Variants in HSD11B1 observed in about 807,000 individuals in gnomAD.
The protein encoded by HSD11B1 is 11-beta-hydroxysteroid dehydrogenase 1.
A neutral mutation model predicts 22.1 loss-of-function variants in HSD11B1; 15 were observed. The ratio of observed to expected loss-of-function variants is 0.68; its 90% confidence interval spans 0.45 to 1.04. The LOEUF (loss-of-function observed/expected upper bound fraction) is 1.04, where lower values mean the gene tolerates loss of function less well. Among genes scored for constraint, HSD11B1 ranks in the 50% least tolerant of loss-of-function variants. HSD11B1 has a pLI of 0.00. For missense variants in HSD11B1, 281 were observed against 357.6 expected (o/e 0.79, Z 1.73); for synonymous variants, 122 against 125.2 (o/e 0.97, Z 0.17).
At position 209,734,649 on chromosome 1, in the gene HSD11B1, T is replaced by C. The variant is rs2077056471; in HGVS notation, c.*128T>C. On this transcript the variant is annotated 3_prime_UTR_variant, in exon 6 of 6. Coordinates refer to ENST00000367027, the MANE Select transcript of HSD11B1 (RefSeq NM_005525.4). ...AGACATGCAAGTCATGGGTCACACC[T>C]GACAAATGGAAGGAGTTCCTCTAAC... 1.3e-6 allele frequency: 1 copy of C among 753,422 alleles called. No homozygotes were observed. Among genetic ancestry groups the C allele is most frequent in the African/African-American group, 1.7e-5 (1 of 57,574 alleles). The allele number at this position is 753,422 out of a possible 1,614,324, so 46.7% of individuals were successfully genotyped here.
chr1:209,686,485 G>A (rs897305275), intron 1 of HSD11B1, among the ~76,000 whole-genome samples: 3 of 152,214 alleles, frequency 2.0e-5, no homozygotes, highest in African/African-American at 4.8e-5. Context: ...GCTTTCAAAT[G>A]TGTAGGAGGG....
intron 4 of HSD11B1, among the ~76,000 whole-genome samples, chr1:209,717,871 C>CAAAA (rs1015577238): frequency 1.5e-4 from 6 of 39,584 alleles, no homozygotes; most frequent in African/African-American, 2.3e-4. Context: ...GACTCCATCT[C>CAAAA]AAAAAAAAAA....
upstream of HSD11B1, chr1:209,704,697 A>G (rs1004548305): frequency 1.4e-5 from 7 of 493,566 alleles, no homozygotes; most frequent in South Asian, 6.3e-5. Context: ...CTCTTGCTCA[A>G]TGAAATGGAG....
upstream of HSD11B1, among the ~76,000 whole-genome samples, chr1:209,704,125 G>C (rs758807804): frequency 1.1e-4 from 17 of 151,952 alleles, no homozygotes; most frequent in Non-Finnish European, 2.2e-4. Flanking sequence ...CATGTTTCTT[G>C]TTGCTCTACA....
chr1:209,705,372 CAAAA>C (rs5780533), intron 1 of HSD11B1, among the ~76,000 whole-genome samples: 2,001 of 83,052 alleles, frequency 0.024, 47 homozygotes, highest in African/African-American at 0.074. Flanking sequence ...AAGTGGGAGG[CAAAA>C]AAAAAAAAAA....
intron 1 of HSD11B1, among the ~76,000 whole-genome samples, chr1:209,696,445 G>A (rs1162967691): frequency 6.6e-6 from 1 of 152,160 alleles, no homozygotes; most frequent in Non-Finnish European, 1.5e-5. Context: ...AGAGGGTTTG[G>A]GTAAGCAGGT....
chr1:209,704,021 T>C (rs948779505), upstream of HSD11B1, among the ~76,000 whole-genome samples: 2 of 152,218 alleles, frequency 1.3e-5, no homozygotes, highest in African/African-American at 4.8e-5. Context: ...CTAGATCTAT[T>C]TTTAGCTGGT....
intron 4 of HSD11B1, among the ~76,000 whole-genome samples, chr1:209,710,040 C>T (rs1025953100): frequency 2.0e-5 from 3 of 152,008 alleles, no homozygotes; most frequent in African/African-American, 4.8e-5. Context: ...TCCGGCAGTG[C>T]GTGCAGGGGA....
chr1:209,694,972 G>A (rs1480816941), intron 1 of HSD11B1, among the ~76,000 whole-genome samples: 2 of 152,194 alleles, frequency 1.3e-5, no homozygotes, highest in Non-Finnish European at 2.9e-5. Flanking sequence ...GTAATCCCCA[G>A]GTGTTGAGGA....
intron 4 of HSD11B1, among the ~76,000 whole-genome samples, chr1:209,722,229 T>C (rs2076971309): frequency 6.6e-6 from 1 of 152,242 alleles, no homozygotes; most frequent in South Asian, 2.1e-4. Flanking sequence ...CATAGAAATA[T>C]TCTTGCCAAA....
At chr1:209,713,232 T>TA (rs1226039340) in intron 4 of HSD11B1, among the ~76,000 whole-genome samples, 1 of 152,138 alleles carries the variant, frequency 6.6e-6, no homozygotes, top group Non-Finnish European at 1.5e-5. Context: ...GTACTATATA[T>TA]TTATATTTAT....
chr1:209,729,786 C>G (rs2077024852), intron 4 of HSD11B1, among the ~76,000 whole-genome samples: 1 of 152,112 alleles, frequency 6.6e-6, no homozygotes. Context: ...TCATTATGAT[C>G]AAGTAGGATT....
chr1:209,722,453 C>T (rs973514914), intron 4 of HSD11B1, among the ~76,000 whole-genome samples: 12 of 152,074 alleles, frequency 7.9e-5, no homozygotes, highest in African/African-American at 2.4e-4. Context: ...TATCCTGAAC[C>T]CTCTTCTCTT....
chr1:209,723,228 G>A (rs2076978874), intron 4 of HSD11B1, among the ~76,000 whole-genome samples: 1 of 151,984 alleles, frequency 6.6e-6, no homozygotes, highest in Non-Finnish European at 1.5e-5. Context: ...TGCTATCATG[G>A]ACCCACCCTC....
At chr1:209,701,366 C>T (rs967314139), upstream of HSD11B1, among the ~76,000 whole-genome samples, 4 of 152,190 alleles carry the variant, frequency 2.6e-5, no homozygotes, top group African/African-American at 9.6e-5. Flanking sequence ...TCTCGTGAGA[C>T]TTATTCACTA....
In HSD11B1 at chr1:209,706,565, G is replaced by A. The variant is rs1571872548; in HGVS notation, c.220-144G>A. The A allele has an allele frequency of 2.7e-6, 2 of 743,562 alleles. No individual in the cohort carries two copies. Among genetic ancestry groups the A allele is most frequent in the Non-Finnish European group, 4.9e-6 (2 of 405,536 alleles). The allele number at this position is 743,562 out of a possible 1,614,324, so 46.1% of individuals were successfully genotyped here. On this transcript the variant is annotated intron_variant, in intron 2 of 5. Coordinates refer to ENST00000367027, the MANE Select transcript of HSD11B1 (RefSeq NM_005525.4). The surrounding 1 kb of genome is among the most constrained non-coding windows in gnomAD (Gnocchi z 4.0). ...GACGATGATCATGAGGGTTATATTA[G>A]GCAACACACACACAAACATACTTAC...
Position 209,706,886 on chromosome 1 carries a change from G to A in HSD11B1, c.332-57G>A. 1 of 1,608,152 alleles carries A rather than the reference G, an allele frequency of 6.2e-7. No homozygotes were observed. The highest frequency in any genetic ancestry group is 8.5e-7 in the Non-Finnish European group (1 of 1,174,528). ...TTGGGGTCACCAAGAGCTTTTGGGA[G>A]GAGAATGGGAAAGGTATCAACCCCA... On this transcript the variant is annotated intron_variant, in intron 3 of 5. Transcript: ENST00000367027. The surrounding 1 kb of genome is among the most constrained non-coding windows in gnomAD (Gnocchi z 4.0).
intron 1 of HSD11B1, among the ~76,000 whole-genome samples, chr1:209,687,203 G>A (rs145353628): frequency 6.6e-6 from 1 of 152,340 alleles, no homozygotes; most frequent in African/African-American, 2.4e-5. Context: ...TTTCACAACA[G>A]TTGGCTTTTA....
rs929253617 is a variant in HSD11B1, at chr1:209,734,692, GTAA to G, written c.*179_*181del. 16 of 627,022 alleles carry G rather than the reference GTAA, an allele frequency of 2.6e-5. No homozygotes were observed. In the African/African-American group the frequency reaches 2.7e-4, roughly 11 times the overall value. The allele number at this position is 627,022 out of a possible 1,614,324, so 38.8% of individuals were successfully genotyped here. A position where few individuals can be genotyped will look rare whatever the true frequency, so the allele number is the denominator to read the frequency against. On this transcript the variant is annotated 3_prime_UTR_variant, in exon 6 of 6. Transcript: ENST00000367027. ...CCTCTAACATTTGCAAAATGGAAATGTAATAATAATGAATGTCATGCACCGCTG... is the reference window on the plus strand; with the variant it reads ...CCTCTAACATTTGCAAAATGGAAATGTAATAATGAATGTCATGCACCGCTG...
Sources: allele counts gnomAD v4.1 joint callset (sites outside exome capture counted in the v4.1 genomes callset), GRCh38; gene constraint gnomAD v4.1.1; non-coding constraint Gnocchi (gnomAD v3.1); transcripts MANE v1.5; gene names NCBI Gene and HGNC (gene_info 2026-07-23, HGNC 2026-07-21).